Variants in PTPRN2 observed in about 807,000 individuals in gnomAD.
PTPRN2 encodes the protein receptor-type tyrosine-protein phosphatase N2.
Under a neutral mutation model 118.8 loss-of-function variants are expected in PTPRN2, and 74 were observed. The observed-to-expected ratio is 0.62, with a 90% CI of 0.52 to 0.76. The LOEUF (loss-of-function observed/expected upper bound fraction) is 0.76, where lower values mean the gene tolerates loss of function less well. Among genes scored for constraint, PTPRN2 ranks in the 30% least tolerant of loss-of-function variants. The probability of loss-of-function intolerance (pLI) is 0.00; values close to 1 mark genes in which losing one functional copy is unlikely to be tolerated. For missense variants in PTPRN2, 1,481 were observed against 1,394.4 expected (o/e 1.06, Z -0.99); for synonymous variants, 641 against 608.0 (o/e 1.05, Z -0.80).
intron 11 of PTPRN2, among the ~76,000 whole-genome samples, chr7:158,000,239 T>C (rs891405782): frequency 5.3e-5 from 8 of 152,158 alleles, no homozygotes; most frequent in Non-Finnish European, 1.2e-4. Flanking sequence ...ACTTCTCTTT[T>C]GCCAAAGGAT....
intron 1 of PTPRN2, among the ~76,000 whole-genome samples, chr7:158,540,420 G>A (rs1256272867): frequency 1.3e-5 from 2 of 152,100 alleles, no homozygotes; most frequent in Admixed American, 6.5e-5. Context: ...GGGCTCCATG[G>A]CTGGGCCCAG....
intron 12 of PTPRN2, among the ~76,000 whole-genome samples, chr7:157,875,561 G>A (rs1325833152): frequency 1.3e-5 from 2 of 152,230 alleles, no homozygotes; most frequent in East Asian, 1.9e-4. Context: ...AAGGGAGATC[G>A]TTCCAGCCAC....
At chr7:157,752,220 C>T (rs764429609) in intron 12 of PTPRN2, among the ~76,000 whole-genome samples, 5 of 152,322 alleles carry the variant, frequency 3.3e-5, no homozygotes, top group African/African-American at 7.2e-5. Flanking sequence ...GTGGCCAGGG[C>T]GGCTAAGACA....
chr7:158,096,824 T>C (rs1362959179), intron 10 of PTPRN2, among the ~76,000 whole-genome samples: 2 of 152,208 alleles, frequency 1.3e-5, no homozygotes, highest in South Asian at 2.1e-4. Context: ...CTGCAGGTGG[T>C]GGATACACCA....
At chr7:157,917,709 T>C (rs1479844612) in intron 11 of PTPRN2, among the ~76,000 whole-genome samples, 1 of 152,196 alleles carries the variant, frequency 6.6e-6, no homozygotes, top group Non-Finnish European at 1.5e-5. Flanking sequence ...AATACAATGT[T>C]TATCTTCAGC....
At chr7:158,141,759 C>T (rs1012893785) in intron 6 of PTPRN2, among the ~76,000 whole-genome samples, 1 of 152,204 alleles carries the variant, frequency 6.6e-6, no homozygotes, top group Non-Finnish European at 1.5e-5. Context: ...GTCAGCGCCA[C>T]TCCAGACTTG....
chr7:157,546,807 C>A (rs764567872), intron 22 of PTPRN2, among the ~76,000 whole-genome samples: 2 of 152,220 alleles, frequency 1.3e-5, no homozygotes, highest in Admixed American at 6.5e-5. Context: ...TCCCAAAGCA[C>A]CTCACTTCAC....
At chr7:157,567,695 T>C (rs897958534) in intron 21 of PTPRN2, among the ~76,000 whole-genome samples, 1 of 152,182 alleles carries the variant, frequency 6.6e-6, no homozygotes, top group African/African-American at 2.4e-5. Context: ...CGGAGGTCTC[T>C]GTATGAACAC....
intron 2 of PTPRN2, among the ~76,000 whole-genome samples, chr7:158,340,244 C>G (rs1248758920): frequency 1.7e-3 from 157 of 90,380 alleles, no homozygotes; most frequent in African/African-American, 6.0e-3. Context: ...CACACCCACA[C>G]TCTCACTATA....
rs1176785913 is a variant in PTPRN2, at chr7:157,550,937, A to T, written c.2903-1918T>A. Among the ~76,000 whole-genome samples the T allele has an allele frequency of 3.3e-5, 5 of 152,170 alleles. No individual in the cohort carries two copies. The highest frequency in any genetic ancestry group is 1.2e-4 in the African/African-American group (5 of 41,436). On this transcript the variant is annotated intron_variant, in intron 21 of 22. Coordinates refer to ENST00000389418, the MANE Select transcript of PTPRN2 (RefSeq NM_002847.5). This position sits in a 1 kb window ranked among gnomAD's most constrained non-coding sequence, Gnocchi z 5.2. ...AAATCCATAAATTTAAAACAGCCTG[A>T]CACAAACGGGTGAGTTTGTGAAATG... is the stretch of plus-strand genomic sequence containing the variant.
chr7:157,826,114 G>A (rs1017248390), intron 12 of PTPRN2, among the ~76,000 whole-genome samples: 2 of 151,584 alleles, frequency 1.3e-5, no homozygotes, highest in African/African-American at 2.4e-5. Context: ...CCATTTCCAC[G>A]CGTGCTGTGC....
At chr7:157,879,763 T>C (rs539070459) in intron 12 of PTPRN2, among the ~76,000 whole-genome samples, 1 of 151,742 alleles carries the variant, frequency 6.6e-6, no homozygotes, top group African/African-American at 2.4e-5. Flanking sequence ...TGAGCCCGGC[T>C]TACTCGTGGC....
At chr7:158,284,704 C>T (rs1015766206) in intron 3 of PTPRN2, among the ~76,000 whole-genome samples, 2 of 152,188 alleles carry the variant, frequency 1.3e-5, no homozygotes, top group African/African-American at 4.8e-5. Context: ...TCCCCTCTAC[C>T]CACACCTCCC....
intron 2 of PTPRN2, among the ~76,000 whole-genome samples, chr7:158,366,733 A>T (rs529419090): frequency 6.6e-6 from 1 of 152,146 alleles, no homozygotes; most frequent in South Asian, 2.1e-4. Context: ...ATCAGTCGCC[A>T]TTGACGGCCA....
At chr7:157,637,620 T>C (rs1384004788) in intron 14 of PTPRN2, among the ~76,000 whole-genome samples, 2 of 152,148 alleles carry the variant, frequency 1.3e-5, no homozygotes, top group South Asian at 2.1e-4. Flanking sequence ...GCCAAAACGG[T>C]ATGATCAGAT....
chr7:158,129,064 A>C (rs191214372), intron 9 of PTPRN2, among the ~76,000 whole-genome samples: 57 of 149,218 alleles, frequency 3.8e-4, no homozygotes, highest in Middle Eastern at 3.4e-3. Flanking sequence ...ATGCACACAC[A>C]CCACAAATAC....
intron 5 of PTPRN2, among the ~76,000 whole-genome samples, chr7:158,172,459 A>G (rs1823786301): frequency 1.3e-5 from 2 of 151,464 alleles, no homozygotes; most frequent in Non-Finnish European, 1.5e-5. Context: ...CCACAGCACC[A>G]TCCCTACCAT....
chr7:157,805,094 A>C (rs776874802), intron 12 of PTPRN2, among the ~76,000 whole-genome samples: 1 of 152,222 alleles, frequency 6.6e-6, no homozygotes, highest in Non-Finnish European at 1.5e-5. Flanking sequence ...GATACAGATA[A>C]TAGCTGTACT....
chr7:158,314,864 TAGGACAGAGGTGAACCCGGGACCCCCTTA>T (rs1563124140), intron 3 of PTPRN2, among the ~76,000 whole-genome samples: 99 of 133,278 alleles, frequency 7.4e-4, no homozygotes, highest in African/African-American at 2.7e-3. Flanking sequence ...GGAACCCCTG[TAGGACAGAGGTGAACCCGGGACCCCCTTA>T]AGGACAGAGG....
Sources: gnomAD v4.1 joint callset for allele counts (sites outside exome capture counted in the v4.1 genomes callset) on GRCh38, gnomAD v4.1.1 for gene constraint, Gnocchi (gnomAD v3.1) non-coding constraint, MANE v1.5 for transcripts, NCBI Gene and HGNC (gene_info 2026-07-23, HGNC 2026-07-21) for gene names.